ANO1: variants seen among roughly 807,000 people sequenced by gnomAD.
The protein encoded by ANO1 is anoctamin 1, also known as anoctamin-1.
In ANO1, 59 loss-of-function variants were observed where a neutral mutation model predicts 124.0. The ratio of observed to expected loss-of-function variants is 0.48; its 90% CI spans 0.39 to 0.59. ANO1 has a LOEUF of 0.59. ANO1 is among the 20% of genes least tolerant of loss of function. The pLI is 0.00. For missense variants in ANO1, 1,059 were observed against 1,328.0 expected (o/e 0.80, Z 3.15); for synonymous variants, 529 against 532.0 (o/e 0.99, Z 0.08).
At chr11:70,083,789 C>A (rs1262352902) in intron 1 of ANO1, among the ~76,000 whole-genome samples, 1 of 152,206 alleles carries the variant, frequency 6.6e-6, no homozygotes, top group African/African-American at 2.4e-5. Context: ...CCTAACACAT[C>A]TCTAGACAGT....
chr11:70,027,752 G>A (rs1300027403), intron 1 of ANO1, among the ~76,000 whole-genome samples: 1 of 152,214 alleles, frequency 6.6e-6, no homozygotes, highest in Non-Finnish European at 1.5e-5. Flanking sequence ...CCAGGGAGGT[G>A]AGGGATGACA....
rs59555197 is a variant in ANO1 at position 70,084,012 on chromosome 11, C to G, written c.109-3740C>G. Among the ~76,000 whole-genome samples, 1,292 of 151,864 alleles carry G rather than the reference C, an allele frequency of 8.5e-3. 21 individuals carry two copies. The highest frequency in any genetic ancestry group is 0.03 in the African/African-American group (1,222 of 41,362). On this transcript the variant is annotated intron_variant, in intron 1 of 25. Coordinates refer to ENST00000355303, the MANE Select transcript of ANO1 (RefSeq NM_018043.7). ...AAAGGGCTGAGAAGGACAGAAAGGG[C>G]GTACAGGGAGGGACACAGTGTCTGC... is the stretch of plus-strand genomic sequence containing the variant.
intron 1 of ANO1, among the ~76,000 whole-genome samples, chr11:70,010,179 GTA>G (rs71926266): frequency 0.16 from 13,486 of 83,796 alleles, 2,284 homozygotes; most frequent in Non-Finnish European, 0.23. Context: ...GTGTGTGTGT[GTA>G]TATATATATA....
In ANO1 at chr11:70,095,344, G is replaced by GA. The variant is rs1012629003; in HGVS notation, c.441+7265dup. Among the ~76,000 whole-genome samples the GA allele has an allele frequency of 3.0e-5, 3 of 99,086 alleles. No individual in the cohort carries two copies. In the South Asian group the frequency reaches 1.0e-3, roughly 34 times the overall value. 65.0% of individuals were successfully genotyped at this position (99,086 alleles called of 152,430 possible). On this transcript the variant is annotated intron_variant, in intron 2 of 25. Transcript: ENST00000355303. Reference sequence around the variant, plus strand: ...AGGAAAGAAAGAAAGGAAAGAGAAAGAAAAAGAAAGAAAGAAAGAAAGAAA... The same window carrying GA: ...AGGAAAGAAAGAAAGGAAAGAGAAAGAAAAAAGAAAGAAAGAAAGAAAGAAA...
At chr11:70,027,296 G>A (rs1301333414) in intron 1 of ANO1, among the ~76,000 whole-genome samples, 2 of 152,116 alleles carry the variant, frequency 1.3e-5, no homozygotes, top group African/African-American at 4.8e-5. Context: ...TGCTCCAAAT[G>A]CTTACATTAG....
At chr11:70,072,016 T>C (rs1176109408) in intron 1 of ANO1, among the ~76,000 whole-genome samples, 2 of 152,220 alleles carry the variant, frequency 1.3e-5, no homozygotes, top group Non-Finnish European at 2.9e-5. Flanking sequence ...TTATTTTTAC[T>C]CTTGTTAGCG....
chr11:70,104,198 GA>G (rs1260559825), intron 4 of ANO1, 48 bp downstream of exon 4: 1 of 1,555,636 alleles, frequency 6.4e-7, no homozygotes. Context: ...TGTGTGTGGG[GA>G]TTTAACCTTC....
At chr11:70,180,881 C>A (rs2048902882) in intron 23 of ANO1, among the ~76,000 whole-genome samples, 1 of 152,158 alleles carries the variant, frequency 6.6e-6, no homozygotes, top group South Asian at 2.1e-4. Context: ...ATCAGCCTTA[C>A]ACACGGCTCT....
At chr11:70,146,229 T>G (rs2047372239) in intron 11 of ANO1, among the ~76,000 whole-genome samples, 1 of 152,220 alleles carries the variant, frequency 6.6e-6, no homozygotes, top group South Asian at 2.1e-4. Flanking sequence ...GCAGCTGACC[T>G]TGGGCACAGC....
At chr11:70,077,747 A>C (rs2135158702), upstream of ANO1, among the ~76,000 whole-genome samples, 1 of 152,312 alleles carries the variant, frequency 6.6e-6, no homozygotes, top group Non-Finnish European at 1.5e-5. Context: ...TGCGGGGTTA[A>C]ATGAGATGAT....
At chr11:70,027,609 A>G (rs1194295732) in intron 1 of ANO1, among the ~76,000 whole-genome samples, 1 of 152,242 alleles carries the variant, frequency 6.6e-6, no homozygotes, top group African/African-American at 2.4e-5. Context: ...GTGGAACAGG[A>G]TCTCGCACAC....
intron 1 of ANO1, among the ~76,000 whole-genome samples, chr11:70,052,734 T>C (rs1555006419): frequency 6.6e-6 from 1 of 151,870 alleles, no homozygotes; most frequent in Non-Finnish European, 1.5e-5. Context: ...TTTGTATTTT[T>C]AGTAGAGACA....
intron 1 of ANO1, among the ~76,000 whole-genome samples, chr11:70,037,101 C>T (rs1351870322): frequency 1.3e-5 from 2 of 152,146 alleles, no homozygotes; most frequent in African/African-American, 2.4e-5. Flanking sequence ...ATCCATCTTC[C>T]CTAACACAGA....
At chr11:70,185,917 T>C (rs1414198317) in intron 25 of ANO1, among the ~76,000 whole-genome samples, 2 of 152,018 alleles carry the variant, frequency 1.3e-5, no homozygotes, top group African/African-American at 4.8e-5. Flanking sequence ...GGAAGGCCAA[T>C]AGAGGGGCCG....
At chr11:70,141,581 A>T (rs1163918203) in intron 11 of ANO1, 2 of 152,270 alleles carry the variant, frequency 1.3e-5, no homozygotes, top group Non-Finnish European at 2.9e-5. Flanking sequence ...TGCTTTAGAG[A>T]AAAGGAGCTT....
chr11:69,991,874 T>C (rs1023278789), intron 1 of ANO1, among the ~76,000 whole-genome samples: 2 of 152,230 alleles, frequency 1.3e-5, no homozygotes, highest in Admixed American at 6.5e-5. Context: ...GTTCTAATTC[T>C]GGCTAAGTAA....
intron 5 of ANO1, among the ~76,000 whole-genome samples, chr11:70,106,382 C>G (rs980532605): frequency 6.6e-6 from 1 of 152,222 alleles, no homozygotes; most frequent in African/African-American, 2.4e-5. Context: ...ATTAACCTGG[C>G]AGCCAAACTT....
At chr11:69,992,402 A>G (rs1370593495) in intron 1 of ANO1, among the ~76,000 whole-genome samples, 1 of 152,188 alleles carries the variant, frequency 6.6e-6, no homozygotes, top group Non-Finnish European at 1.5e-5. Flanking sequence ...ACGTTAAGTT[A>G]TATTAGGAGC....
chr11:70,115,432 G>A (rs560297118), intron 7 of ANO1, among the ~76,000 whole-genome samples: 1 of 152,190 alleles, frequency 6.6e-6, no homozygotes, highest in East Asian at 1.9e-4. Context: ...GACCAACGTG[G>A]TGAAACCCTG....
Sources: allele counts gnomAD v4.1 joint callset (sites outside exome capture counted in the v4.1 genomes callset), GRCh38; gene constraint gnomAD v4.1.1; transcripts MANE v1.5; gene names NCBI Gene and HGNC (gene_info 2026-07-23, HGNC 2026-07-21).